Variants in NALCN observed in about 807,000 individuals in gnomAD.
The protein encoded by NALCN is sodium leak channel NALCN.
NALCN carries 111 observed loss-of-function variants against 225.3 expected under a neutral mutation model. The ratio of observed to expected loss-of-function variants is 0.49; its 90% CI spans 0.42 to 0.58. NALCN has a LOEUF of 0.58. Among genes scored for constraint, NALCN ranks in the 20% least tolerant of loss-of-function variants. NALCN has a pLI of 0.00. For synonymous variants in NALCN, 764 were observed against 769.0 expected (o/e 0.99, Z 0.11); for missense variants, 1,378 against 2,202.4 (o/e 0.63, Z 7.49).
At chr13:101,064,659 C>T (rs1053477200) in intron 40 of NALCN, among the ~76,000 whole-genome samples, 5 of 152,018 alleles carry the variant, frequency 3.3e-5, no homozygotes, top group African/African-American at 1.2e-4. Flanking sequence ...CCAACATTGG[C>T]AGCGCACCTC....
chr13:101,135,591 A>G (rs1228589248), intron 17 of NALCN, among the ~76,000 whole-genome samples: 7 of 152,050 alleles, frequency 4.6e-5, no homozygotes, highest in African/African-American at 1.7e-4. Flanking sequence ...ATGGGGTTTC[A>G]CCATGTTGCC....
chr13:101,314,901 A>T (rs2044497063), intron 7 of NALCN, among the ~76,000 whole-genome samples: 1 of 152,098 alleles, frequency 6.6e-6, no homozygotes, highest in Admixed American at 6.5e-5. Flanking sequence ...CTGAGAGTGT[A>T]CTTGTTAGTT....
chr13:101,291,900 A>T, intron 9 of NALCN, 90 bp downstream of exon 9: 1 of 1,284,910 alleles, frequency 7.8e-7, no homozygotes, highest in South Asian at 1.2e-5. Context: ...GAAGCCCATC[A>T]TGCAAGAGCT....
At chr13:101,145,392 G>C (rs1399561192) in intron 15 of NALCN, among the ~76,000 whole-genome samples, 1 of 152,174 alleles carries the variant, frequency 6.6e-6, no homozygotes, top group African/African-American at 2.4e-5. Flanking sequence ...GATTAAAACA[G>C]AAAAGCTCAA....
At chr13:101,207,143 T>C (rs1315389674) in intron 13 of NALCN, among the ~76,000 whole-genome samples, 1 of 152,170 alleles carries the variant, frequency 6.6e-6, no homozygotes, top group African/African-American at 2.4e-5. Context: ...GATCAAAGGA[T>C]AAGATGCTTT....
At position 101,054,140 on chromosome 13, in the gene NALCN, C is replaced by G. The variant is rs1013662094; in HGVS notation, c.*1155G>C. The G allele has an allele frequency of 2.4e-4, 37 of 152,136 alleles. No individual in the cohort carries two copies. The highest frequency in any genetic ancestry group is 2.1e-3 in the Admixed American group (32 of 15,278). The allele number at this position is 152,136 out of a possible 1,614,324, so 9.4% of individuals were successfully genotyped here. A position where few individuals can be genotyped will look rare whatever the true frequency, so the allele number is the denominator to read the frequency against. On this transcript the variant is annotated 3_prime_UTR_variant, in exon 44 of 44. Transcript: ENST00000251127. ...CCACTTCTACTTGGCTGGCCCAGCA[C>G]AAGAAATCTAACAGCACTTTGTAAT...
chr13:101,176,043 T>A (rs1373027457), intron 15 of NALCN, among the ~76,000 whole-genome samples: 1 of 152,166 alleles, frequency 6.6e-6, no homozygotes, highest in Non-Finnish European at 1.5e-5. Context: ...AGTCTCCAAA[T>A]CCAATTAACT....
chr13:101,290,573 G>A (rs909713477), intron 9 of NALCN, among the ~76,000 whole-genome samples: 22 of 152,274 alleles, frequency 1.4e-4, no homozygotes, highest in Non-Finnish European at 3.1e-4. Flanking sequence ...ATGGAAGTTT[G>A]AACAGTTGTT....
chr13:101,081,552 C>T lies in NALCN; in HGVS notation c.3860G>A (p.Trp1287Ter). The T allele has an allele frequency of 6.2e-7, 1 of 1,614,114 alleles. No individual in the cohort carries two copies. Residue 1287 changes from tryptophan to a stop codon, truncating the protein, a stop_gained, in exon 34 of 44, where the codon TGG becomes TAG. Transcript: ENST00000251127. LOFTEE classifies it high-confidence loss of function. ...DLLVTSLGVV[W>*]VVLHFALLNA... ...CAGGAGGGCAAAGTGAAGCACCACC[C>T]ATACAACGCCAAGCGACGTCACCAG...
At chr13:101,251,564 T>C (rs1480843089) in intron 11 of NALCN, among the ~76,000 whole-genome samples, 15 of 152,154 alleles carry the variant, frequency 9.9e-5, no homozygotes, top group Admixed American at 9.8e-4. Flanking sequence ...ATGTGTTGAA[T>C]TTATGAAATA....
At chr13:101,168,409 C>T (rs959022267) in intron 15 of NALCN, among the ~76,000 whole-genome samples, 2 of 151,988 alleles carry the variant, frequency 1.3e-5, no homozygotes, top group East Asian at 1.9e-4. Context: ...CTTCTTCCCC[C>T]GAAAAAAAAC....
chr13:101,276,267 T>C (rs1238554755), intron 10 of NALCN, among the ~76,000 whole-genome samples: 2 of 152,050 alleles, frequency 1.3e-5, no homozygotes, highest in African/African-American at 4.8e-5. Context: ...ATTGCACACA[T>C]TTACCATGCT....
intron 6 of NALCN, chr13:101,373,218 G>T: frequency 5.2e-6 from 1 of 193,312 alleles, no homozygotes. Flanking sequence ...TTCAGGCCCT[G>T]AGTTTTACTC....
At chr13:101,258,037 T>C (rs1212366058) in intron 11 of NALCN, among the ~76,000 whole-genome samples, 1 of 152,192 alleles carries the variant, frequency 6.6e-6, no homozygotes, top group Admixed American at 6.5e-5. Flanking sequence ...TCTCTATATG[T>C]CCTTCCAGCC....
chr13:101,281,243 G>A (rs1255497200), intron 10 of NALCN, among the ~76,000 whole-genome samples: 1 of 152,072 alleles, frequency 6.6e-6, no homozygotes, highest in Non-Finnish European at 1.5e-5. Flanking sequence ...ATTGCATCTT[G>A]CATTACTTCT....
At chr13:101,156,927 T>C (rs2037931143) in intron 15 of NALCN, among the ~76,000 whole-genome samples, 2 of 152,162 alleles carry the variant, frequency 1.3e-5, no homozygotes, top group Admixed American at 6.6e-5. Flanking sequence ...TGTATGTCTG[T>C]GGTCAAATGA....
At chr13:101,329,213 A>G (rs937719689) in intron 7 of NALCN, among the ~76,000 whole-genome samples, 1 of 152,260 alleles carries the variant, frequency 6.6e-6, no homozygotes, top group African/African-American at 2.4e-5. Context: ...TTTACTGGAC[A>G]TAAGATGGTA....
chr13:101,225,447 T>A (rs1034008381), intron 13 of NALCN, among the ~76,000 whole-genome samples: 2 of 152,222 alleles, frequency 1.3e-5, no homozygotes, highest in African/African-American at 4.8e-5. Flanking sequence ...CTTTAATGGC[T>A]GCCTTATGTA....
At chr13:101,293,941 T>C (rs1028705100) in intron 7 of NALCN, among the ~76,000 whole-genome samples, 2 of 152,230 alleles carry the variant, frequency 1.3e-5, no homozygotes, top group Admixed American at 6.5e-5. Flanking sequence ...TTGTAAAGCA[T>C]GTTGAGTTTC....
Sources: allele counts gnomAD v4.1 joint callset (sites outside exome capture counted in the v4.1 genomes callset), GRCh38; gene constraint gnomAD v4.1.1; transcripts MANE v1.5; gene names NCBI Gene and HGNC (gene_info 2026-07-23, HGNC 2026-07-21).